AOPEP: variants seen among roughly 807,000 people sequenced by gnomAD.
AOPEP encodes aminopeptidase O (putative).
AOPEP carries 77 observed loss-of-function variants against 98.1 expected under a neutral mutation model. The ratio of observed to expected loss-of-function variants is 0.78; its 90% CI spans 0.65 to 0.95. The LOEUF is 0.95. Ranked by LOEUF, AOPEP falls within the 40% of genes least tolerant of loss-of-function variation. The pLI is 0.00. For missense variants in AOPEP, 1,024 were observed against 1,024.7 expected (o/e 1.00, Z 0.01); for synonymous variants, 346 against 365.3 (o/e 0.95, Z 0.60).
intron 5 of AOPEP, among the ~76,000 whole-genome samples, chr9:94,806,332 A>T (rs1327962352): frequency 1.3e-5 from 2 of 152,146 alleles, no homozygotes; most frequent in Non-Finnish European, 2.9e-5. Flanking sequence ...TGTTTTTTAA[A>T]AAGATGTTGA....
chr9:95,094,820 C>G, the AOPEP span, among the ~76,000 whole-genome samples: 2 of 152,210 alleles, frequency 1.3e-5, no homozygotes, highest in Non-Finnish European at 2.9e-5. Flanking sequence ...TGTGCGCCAC[C>G]ATGCCCAGCT....
At chr9:95,125,068 A>G in the AOPEP span, 1 of 1,597,472 alleles carries the variant, frequency 6.3e-7, no homozygotes, top group South Asian at 1.1e-5. Flanking sequence ...AATGAGTAAT[A>G]TATGTGATAT....
the AOPEP span, chr9:95,110,739 ATAGAG>A: frequency 1.8e-6 from 2 of 1,096,188 alleles, no homozygotes; most frequent in Non-Finnish European, 2.2e-6. Flanking sequence ...TAAGATCAGC[ATAGAG>A]CACTGGCAGT....
chr9:94,775,151 T>G (rs966918366), intron 3 of AOPEP, among the ~76,000 whole-genome samples: 1 of 152,154 alleles, frequency 6.6e-6, no homozygotes, highest in Non-Finnish European at 1.5e-5. Flanking sequence ...TTCTCTAAGA[T>G]TCATTTTGTT....
rs146933452 is a variant in AOPEP at position 94,882,979 on chromosome 9, A to G, written c.1365-41007A>G. Among the ~76,000 whole-genome samples the G allele has an allele frequency of 6.8e-4, 103 of 152,314 alleles. No homozygotes were observed. In the East Asian group the frequency reaches 0.017, roughly 25 times the overall value. On this transcript the variant is annotated intron_variant, in intron 5 of 16. Transcript: ENST00000375315. ...TGGATTGATATGAACACATTATCAA[A>G]AAGTTACTTATCTGAAGTCTGGGGC...
chr9:94,780,450 A>G (rs1843003812), intron 3 of AOPEP, among the ~76,000 whole-genome samples: 1 of 152,194 alleles, frequency 6.6e-6, no homozygotes, highest in Non-Finnish European at 1.5e-5. Context: ...CTTATATGAT[A>G]TCACAGAACA....
chr9:95,097,222 A>G, the AOPEP span, among the ~76,000 whole-genome samples: 3 of 152,234 alleles, frequency 2.0e-5, no homozygotes, highest in Non-Finnish European at 4.4e-5. Flanking sequence ...ATGGGACGCA[A>G]CCTTCTAAAA....
chr9:95,016,138 T>C (rs991615492), intron 13 of AOPEP, among the ~76,000 whole-genome samples: 2 of 152,048 alleles, frequency 1.3e-5, no homozygotes, highest in African/African-American at 4.8e-5. Context: ...GCTTTTTTTT[T>C]TTTTCCCCCC....
At chr9:94,748,675 C>T (rs915168882) in intron 1 of AOPEP, among the ~76,000 whole-genome samples, 8 of 152,208 alleles carry the variant, frequency 5.3e-5, no homozygotes, top group African/African-American at 1.7e-4. Context: ...ATCCCCTGGA[C>T]ACCTCCATTC....
intron 11 of AOPEP, among the ~76,000 whole-genome samples, chr9:94,991,395 A>T (rs556626639): frequency 2.0e-5 from 3 of 152,274 alleles, no homozygotes; most frequent in Non-Finnish European, 4.4e-5. Context: ...CACAGGCTAC[A>T]GATGAGTCTT....
At chr9:94,899,970 A>G (rs900024121) in intron 5 of AOPEP, among the ~76,000 whole-genome samples, 2 of 152,156 alleles carry the variant, frequency 1.3e-5, no homozygotes, top group African/African-American at 4.8e-5. Context: ...CCAAATATAT[A>G]GATTCAAGTA....
At chr9:94,895,028 G>C (rs1419485483) in intron 5 of AOPEP, among the ~76,000 whole-genome samples, 2 of 151,576 alleles carry the variant, frequency 1.3e-5, no homozygotes, top group African/African-American at 4.9e-5. Context: ...TTTCTTTAAT[G>C]TTATGTAAAC....
chr9:95,070,321 A>T (rs777223246), intron 14 of AOPEP, among the ~76,000 whole-genome samples: 6 of 152,382 alleles, frequency 3.9e-5, no homozygotes, highest in Non-Finnish European at 7.3e-5. Flanking sequence ...TAGAAGAGCC[A>T]TGAGCCCTGG....
At chr9:94,807,817 T>C (rs750939109) in intron 5 of AOPEP, among the ~76,000 whole-genome samples, 1 of 152,202 alleles carries the variant, frequency 6.6e-6, no homozygotes, top group African/African-American at 2.4e-5. Context: ...AGTATTTCTT[T>C]TAAGGGTAGA....
chr9:94,880,980 A>G (rs2047516855), intron 5 of AOPEP, among the ~76,000 whole-genome samples: 2 of 152,214 alleles, frequency 1.3e-5, no homozygotes, highest in African/African-American at 4.8e-5. Flanking sequence ...CACCTACACA[A>G]TTGTGATCTT....
At chr9:94,965,463 C>G (rs2059129835) in intron 9 of AOPEP, among the ~76,000 whole-genome samples, 1 of 152,234 alleles carries the variant, frequency 6.6e-6, no homozygotes, top group South Asian at 2.1e-4. Context: ...AATCAGACAG[C>G]CAGCTTCACT....
chr9:94,921,376 T>C (rs2053599866), intron 5 of AOPEP: 1 of 152,316 alleles, frequency 6.6e-6, no homozygotes, highest in Non-Finnish European at 1.5e-5. Context: ...AGGTCCGTTC[T>C]GTTTTGTGGG....
chr9:94,937,426 G>T (rs1406438977), intron 7 of AOPEP, among the ~76,000 whole-genome samples: 3 of 152,116 alleles, frequency 2.0e-5, no homozygotes, highest in African/African-American at 7.2e-5. Context: ...AGTCACATTG[G>T]AATAGGCCCA....
intron 1 of AOPEP, among the ~76,000 whole-genome samples, chr9:94,729,576 TAAA>T (rs57495134): frequency 1.1e-4 from 16 of 140,692 alleles, no homozygotes; most frequent in South Asian, 2.2e-4. Flanking sequence ...ACACTGTCTT[TAAA>T]AAAAAAAAAA....
Sources: gnomAD v4.1 joint callset for allele counts (sites outside exome capture counted in the v4.1 genomes callset) on GRCh38, gnomAD v4.1.1 for gene constraint, MANE v1.5 for transcripts, NCBI Gene and HGNC (gene_info 2026-07-23, HGNC 2026-07-21) for gene names.